Variants in SLCO5A1 observed in about 807,000 individuals in gnomAD.
SLCO5A1 encodes organic anion transporter polypeptide-related protein 4.
SLCO5A1 carries 39 observed loss-of-function variants against 65.1 expected under a neutral mutation model. That is an observed-to-expected ratio of 0.60 (90% CI 0.46 to 0.78). The LOEUF (loss-of-function observed/expected upper bound fraction) is 0.78, where lower values mean the gene tolerates loss of function less well. SLCO5A1 is among the 30% of genes least tolerant of loss of function. The probability of loss-of-function intolerance (pLI) is 0.00; values close to 1 mark genes in which losing one functional copy is unlikely to be tolerated. For missense variants in SLCO5A1, 1,029 were observed against 1,069.4 expected, an observed-to-expected ratio of 0.96 and a Z score of 0.53; for synonymous variants, 438 against 415.7, an observed-to-expected ratio of 1.05 and a Z score of -0.65.
intron 2 of SLCO5A1, 29 bp from the exon 3 acceptor site, chr8:69,761,904 T>A (rs1243957403): frequency 6.2e-7 from 1 of 1,608,568 alleles, no homozygotes; most frequent in South Asian, 1.1e-5. Context: ...AAATGTGAAA[T>A]ACAGCGACGT....
At position 69,667,859 on chromosome 8, in the gene SLCO5A1, C is replaced by T. The variant is rs559966793; in HGVS notation, c.*5010G>A. 9.8e-5 allele frequency: 15 copies of T among 152,308 alleles called. No individual in the cohort carries two copies. Among genetic ancestry groups the T allele is most frequent in the Admixed American group, 4.6e-4 (7 of 15,298 alleles). 9.4% of individuals were successfully genotyped at this position (152,308 alleles called of 1,614,324 possible). On this transcript the variant is annotated 3_prime_UTR_variant, in exon 10 of 10. Coordinates refer to ENST00000260126, the MANE Select transcript of SLCO5A1 (RefSeq NM_030958.3). ...CCATAGAAAAGTATCCCCCCTTTCA[C>T]GCTTCATTTTTGCAGCATAGATGGA...
intron 4 of SLCO5A1, among the ~76,000 whole-genome samples, chr8:69,754,024 A>T (rs1817444902): frequency 6.6e-6 from 1 of 151,806 alleles, no homozygotes; most frequent in African/African-American, 2.4e-5. Context: ...AAAAAAAAAA[A>T]AAGAATCAAA....
chr8:69,750,683 C>T (rs111902334), intron 4 of SLCO5A1, among the ~76,000 whole-genome samples: 3,935 of 152,322 alleles, frequency 0.026, 183 homozygotes, highest in African/African-American at 0.088. Context: ...CAAGGTTCAT[C>T]TCAAATGCCA....
At chr8:69,681,860 T>C (rs1197931871) in intron 7 of SLCO5A1, among the ~76,000 whole-genome samples, 1 of 152,078 alleles carries the variant, frequency 6.6e-6, no homozygotes, top group Non-Finnish European at 1.5e-5. Flanking sequence ...TTCAAATCCA[T>C]CACAAGGGCC....
At chr8:69,742,729 C>T (rs1019122047) in intron 4 of SLCO5A1, among the ~76,000 whole-genome samples, 4 of 151,632 alleles carry the variant, frequency 2.6e-5, no homozygotes, top group Admixed American at 2.6e-4. Context: ...ATCTGGTGCA[C>T]CCAGGGGCCT....
In SLCO5A1 at chr8:69,783,783, G is replaced by C. The variant is rs147136045; in HGVS notation, c.908-21908C>G. ...AGAGGGCCATGCCCCTTCCTAAAAA[G>C]AGTGTGTGACCTATACGGAGAATGA... is the stretch of plus-strand genomic sequence containing the variant. On this transcript the variant is annotated intron_variant, in intron 2 of 9. Coordinates refer to ENST00000260126, the MANE Select transcript of SLCO5A1 (RefSeq NM_030958.3). Among the ~76,000 whole-genome samples, 887 of 152,246 alleles carry C rather than the reference G, an allele frequency of 5.8e-3. 12 individuals carry two copies. Among genetic ancestry groups the C allele is most frequent in the African/African-American group, 0.02 (842 of 41,538 alleles).
chr8:69,822,444 A>G (rs1267397969), intron 2 of SLCO5A1, among the ~76,000 whole-genome samples: 1 of 152,264 alleles, frequency 6.6e-6, no homozygotes, highest in African/African-American at 2.4e-5. Flanking sequence ...CGGTTATAAC[A>G]TTACGAAAAC....
chr8:69,691,841 A>T (rs1350694342), intron 6 of SLCO5A1, among the ~76,000 whole-genome samples: 4 of 152,234 alleles, frequency 2.6e-5, no homozygotes, highest in Non-Finnish European at 4.4e-5. Context: ...TACAGTATAG[A>T]CTATTGCTCC....
At chr8:69,745,184 A>T (rs1816965915) in intron 4 of SLCO5A1, among the ~76,000 whole-genome samples, 1 of 152,288 alleles carries the variant, frequency 6.6e-6, no homozygotes, top group East Asian at 1.9e-4. Context: ...ATAATTAGGA[A>T]TACTAATTTC....
In SLCO5A1 at chr8:69,829,086, A is replaced by G. The variant is rs558577291; in HGVS notation, c.907+2681T>C. On this transcript the variant is annotated intron_variant, in intron 2 of 9. Coordinates refer to ENST00000260126, the MANE Select transcript of SLCO5A1 (RefSeq NM_030958.3). ...TTGATCATTATTTTCAAAATGAGAAATGTATCTTTACAATGGAAAGACCCA... is the reference window on the plus strand; with the variant it reads ...TTGATCATTATTTTCAAAATGAGAAGTGTATCTTTACAATGGAAAGACCCA... 5.3e-5 allele frequency among the ~76,000 whole-genome samples: 8 copies of G among 152,360 alleles called. No individual in the cohort carries two copies. In the South Asian group the frequency reaches 1.7e-3, roughly 32 times the overall value.
At chr8:69,702,488 C>T (rs1814786585) in intron 6 of SLCO5A1, among the ~76,000 whole-genome samples, 1 of 148,356 alleles carries the variant, frequency 6.7e-6, no homozygotes, top group South Asian at 2.1e-4. Flanking sequence ...AAGCCACATA[C>T]CCGGTACACA....
intron 2 of SLCO5A1, among the ~76,000 whole-genome samples, chr8:69,778,172 C>T (rs781485768): frequency 2.0e-5 from 3 of 151,498 alleles, no homozygotes; most frequent in African/African-American, 4.9e-5. Flanking sequence ...ATCAAGGGTT[C>T]GGGGGTATCC....
At chr8:69,762,122 CTTTCTTTCTTTCTTTCTT>C (rs1563708001) in intron 2 of SLCO5A1, among the ~76,000 whole-genome samples, 2 of 4,970 alleles carry the variant, frequency 4.0e-4, no homozygotes. Context: ...GTTTTGTTTT[CTTTCTTTCTTTCTTTCTT>C]TCTTTCTTTC....
At chr8:69,691,818 T>C (rs1814271925) in intron 6 of SLCO5A1, among the ~76,000 whole-genome samples, 1 of 152,250 alleles carries the variant, frequency 6.6e-6, no homozygotes. Flanking sequence ...TAGCCTACTA[T>C]ACTCCTAGGC....
intron 2 of SLCO5A1, among the ~76,000 whole-genome samples, chr8:69,825,917 G>T (rs1271345959): frequency 6.6e-6 from 1 of 152,108 alleles, no homozygotes; most frequent in East Asian, 1.9e-4. Context: ...GCATGGTACT[G>T]GTACCAAAAC....
chr8:69,681,700 GA>G (rs1416944738), intron 7 of SLCO5A1, among the ~76,000 whole-genome samples: 1 of 152,120 alleles, frequency 6.6e-6, no homozygotes, highest in Non-Finnish European at 1.5e-5. Context: ...TGAACTGTCA[GA>G]AATATCTTTA....
At chr8:69,673,646 G>A (rs1308784157) in intron 9 of SLCO5A1, among the ~76,000 whole-genome samples, 2 of 151,990 alleles carry the variant, frequency 1.3e-5, no homozygotes, top group Non-Finnish European at 2.9e-5. Flanking sequence ...GCTGAAAAAA[G>A]GGGTATTGCT....
At chr8:69,737,073 T>G (rs1395061807) in intron 5 of SLCO5A1, among the ~76,000 whole-genome samples, 5 of 152,248 alleles carry the variant, frequency 3.3e-5, no homozygotes, top group African/African-American at 1.2e-4. Context: ...GTATTCTTTA[T>G]AAAAACATGT....
intron 2 of SLCO5A1, among the ~76,000 whole-genome samples, chr8:69,779,008 A>G (rs1396226242): frequency 3.3e-5 from 5 of 152,210 alleles, no homozygotes; most frequent in African/African-American, 1.2e-4. Flanking sequence ...AAACAGCTAT[A>G]TGGATTCATT....
Sources: gnomAD v4.1 joint callset for allele counts (sites outside exome capture counted in the v4.1 genomes callset) on GRCh38, gnomAD v4.1.1 for gene constraint, MANE v1.5 for transcripts, NCBI Gene and HGNC (gene_info 2026-07-23, HGNC 2026-07-21) for gene names.